ARL15: variants seen among roughly 807,000 people sequenced by gnomAD.
ARL15 encodes ARF like GTPase 15.
In ARL15, 19 loss-of-function variants were observed where a neutral mutation model predicts 25.2. The observed-to-expected ratio is 0.75, with a 90% CI of 0.53 to 1.10. The LOEUF (loss-of-function observed/expected upper bound fraction) is 1.10. Among genes scored for constraint, ARL15 ranks in the 50% least tolerant of loss-of-function variants. The probability of loss-of-function intolerance (pLI) is 0.00; values close to 1 mark genes in which losing one functional copy is unlikely to be tolerated. For missense variants in ARL15, 220 were observed against 246.0 expected, an observed-to-expected ratio of 0.89 and a Z score of 0.71; for synonymous variants, 94 against 86.8, an observed-to-expected ratio of 1.08 and a Z score of -0.46.
intron 3 of ARL15, among the ~76,000 whole-genome samples, chr5:54,130,067 C>T (rs1341371938): frequency 2.6e-5 from 4 of 151,968 alleles, no homozygotes; most frequent in East Asian, 1.9e-4. Context: ...AGGGAGACCT[C>T]GTCTCTACAA....
intron 3 of ARL15, among the ~76,000 whole-genome samples, chr5:54,150,725 G>C (rs1208988935): frequency 6.6e-6 from 1 of 152,032 alleles, no homozygotes; most frequent in Admixed American, 6.6e-5. Context: ...TTGAACCCAT[G>C]AGGCAGAGGT....
intron 4 of ARL15, among the ~76,000 whole-genome samples, chr5:54,065,824 T>C (rs1312212517): frequency 6.9e-6 from 1 of 144,362 alleles, no homozygotes; most frequent in East Asian, 1.9e-4. Flanking sequence ...TCAGTACTGA[T>C]TACATACAAA....
At chr5:54,296,022 TAGGTAAC>T (rs1166950159) in intron 1 of ARL15, among the ~76,000 whole-genome samples, 1 of 152,206 alleles carries the variant, frequency 6.6e-6, no homozygotes, top group African/African-American at 2.4e-5. Flanking sequence ...TGGCCGAACT[TAGGTAAC>T]AGCTGTAAGC....
chr5:53,995,822 C>T (rs1306666415), intron 4 of ARL15, among the ~76,000 whole-genome samples: 2 of 143,284 alleles, frequency 1.4e-5, no homozygotes, highest in East Asian at 2.3e-4. Flanking sequence ...CCCATACGTT[C>T]CCCAAAGTCC....
At chr5:54,201,513 T>C (rs1441256196) in intron 1 of ARL15, among the ~76,000 whole-genome samples, 1 of 152,104 alleles carries the variant, frequency 6.6e-6, no homozygotes, top group African/African-American at 2.4e-5. Flanking sequence ...ATCCTTCTCC[T>C]CCACCATCCC....
At position 54,092,047 on chromosome 5, in the gene ARL15, A is replaced by AACACACACACACACACACACACAC. The variant is rs758037549; in HGVS notation, c.462+21131_462+21154dup. ...TGGTTAATAGACTGCTCAAATTGAA[A>AACACACACACACACACACACACAC]ACACACACACACACACACACACACA... On this transcript the variant is annotated intron_variant, in intron 4 of 4. Transcript: ENST00000504924. Among the ~76,000 whole-genome samples, 342 of 146,308 alleles carry AACACACACACACACACACACACAC rather than the reference A, an allele frequency of 2.3e-3. 1 individual carries two copies. Among genetic ancestry groups the AACACACACACACACACACACACAC allele is most frequent in the Middle Eastern group, 0.018 (5 of 284 alleles).
At chr5:54,200,583 A>C (rs1755695161) in intron 1 of ARL15, among the ~76,000 whole-genome samples, 1 of 152,094 alleles carries the variant, frequency 6.6e-6, no homozygotes, top group African/African-American at 2.4e-5. Flanking sequence ...AGGATAATAA[A>C]AAAAAACCAT....
intron 1 of ARL15, among the ~76,000 whole-genome samples, chr5:54,256,403 C>T (rs1189670301): frequency 2.7e-5 from 3 of 110,172 alleles, no homozygotes; most frequent in African/African-American, 1.0e-4. Context: ...ACAGCAAGAT[C>T]GAATCAGTTT....
chr5:54,062,169 G>A (rs754165599), intron 4 of ARL15, among the ~76,000 whole-genome samples: 2 of 152,312 alleles, frequency 1.3e-5, no homozygotes, highest in South Asian at 4.1e-4. Flanking sequence ...CGCATTGTAC[G>A]TAGGAAGTAA....
At chr5:54,124,991 G>A (rs1753200295) in intron 3 of ARL15, among the ~76,000 whole-genome samples, 1 of 152,052 alleles carries the variant, frequency 6.6e-6, no homozygotes, top group African/African-American at 2.4e-5. Context: ...CAAGGTGATG[G>A]GATGTCACTT....
At chr5:54,262,515 G>A (rs1480852068) in intron 1 of ARL15, among the ~76,000 whole-genome samples, 2 of 151,702 alleles carry the variant, frequency 1.3e-5, no homozygotes, top group Non-Finnish European at 2.9e-5. Context: ...TCAAACTCCA[G>A]TTACCTATTT....
intron 4 of ARL15, among the ~76,000 whole-genome samples, chr5:53,902,833 G>GA (rs1269283019): frequency 2.6e-5 from 4 of 152,104 alleles, no homozygotes; most frequent in Admixed American, 6.5e-5. Context: ...AGAAGGAAAA[G>GA]AAAAAACAGG....
chr5:54,110,805 G>C (rs1038770763), intron 4 of ARL15, among the ~76,000 whole-genome samples: 3 of 151,926 alleles, frequency 2.0e-5, no homozygotes, highest in African/African-American at 7.2e-5. Context: ...TGCTCCCAAC[G>C]ATTTTAAAGT....
intron 4 of ARL15, among the ~76,000 whole-genome samples, chr5:54,031,628 A>G (rs1749985870): frequency 6.6e-6 from 1 of 152,242 alleles, no homozygotes; most frequent in Non-Finnish European, 1.5e-5. Flanking sequence ...GCTGCATCAT[A>G]TAATGGCCCA....
At chr5:53,937,649 A>G (rs1178464714) in intron 4 of ARL15, among the ~76,000 whole-genome samples, 3 of 152,172 alleles carry the variant, frequency 2.0e-5, no homozygotes, top group Non-Finnish European at 4.4e-5. Flanking sequence ...AGCCTAGGAA[A>G]AACAGGCTTT....
chr5:54,039,800 T>TTA (rs1491533710), intron 4 of ARL15, among the ~76,000 whole-genome samples: 2 of 52,554 alleles, frequency 3.8e-5, no homozygotes, highest in African/African-American at 7.6e-5. Context: ...AGACTCTGTC[T>TTA]AAAAAAAAAA....
chr5:53,960,199 C>T (rs1325041243), intron 4 of ARL15, among the ~76,000 whole-genome samples: 3 of 152,156 alleles, frequency 2.0e-5, no homozygotes, highest in Non-Finnish European at 2.9e-5. Context: ...ATATCATCTT[C>T]TCATTATCTC....
chr5:54,103,131 T>C (rs952973787), intron 4 of ARL15, among the ~76,000 whole-genome samples: 6 of 152,152 alleles, frequency 3.9e-5, no homozygotes, highest in Admixed American at 3.9e-4. Flanking sequence ...ACTTGACTCT[T>C]CTCCTTTGTA....
intron 1 of ARL15, among the ~76,000 whole-genome samples, chr5:54,180,896 A>T (rs977427608): frequency 6.6e-6 from 1 of 152,194 alleles, no homozygotes; most frequent in African/African-American, 2.4e-5. Flanking sequence ...ACGGCTTTGC[A>T]GAGGGGCAGA....
Sources: allele counts gnomAD v4.1 joint callset (sites outside exome capture counted in the v4.1 genomes callset), GRCh38; gene constraint gnomAD v4.1.1; transcripts MANE v1.5; gene names NCBI Gene and HGNC (gene_info 2026-07-23, HGNC 2026-07-21).